Variants in CHRNB4 observed in about 807,000 individuals in gnomAD.
CHRNB4 encodes neuronal acetylcholine receptor subunit beta-4.
A neutral mutation model predicts 40.4 loss-of-function variants in CHRNB4; 23 were observed. The observed-to-expected ratio is 0.57, with a 90% CI of 0.41 to 0.81. The LOEUF (loss-of-function observed/expected upper bound fraction) is 0.81, where lower values mean the gene tolerates loss of function less well. CHRNB4 is among the 30% of genes least tolerant of loss of function. The probability of loss-of-function intolerance (pLI) is 0.00; values close to 1 mark genes in which losing one functional copy is unlikely to be tolerated. For synonymous variants in CHRNB4, 285 were observed against 274.4 expected (o/e 1.04, Z -0.38); for missense variants, 568 against 670.6 (o/e 0.85, Z 1.69).
In CHRNB4 at chr15:78,625,303, CAG is replaced by C; in HGVS notation, c.1339-14_1339-13del. 6.5e-7 allele frequency: 1 copy of C among 1,527,950 alleles called. No homozygotes were observed. The highest frequency in any genetic ancestry group is 8.8e-7 in the Non-Finnish European group (1 of 1,139,870). 94.6% of individuals were successfully genotyped at this position (1,527,950 alleles called of 1,614,324 possible). A position where few individuals can be genotyped will look rare whatever the true frequency, so the allele number is the denominator to read the frequency against. On this transcript the variant is annotated splice_polypyrimidine_tract_variant and intron_variant, in intron 5 of 5. Coordinates refer to ENST00000261751, the MANE Select transcript of CHRNB4 (RefSeq NM_000750.5). ...CAGTCCTCAACGACCTGCAGGCAGA[CAG>C]AGGAGTTGGTCACAGGTGCCAAGTA... is the stretch of plus-strand genomic sequence containing the variant.
At chr15:78,650,492 T>C (rs2054163368) in intron 6 of CHRNB4, among the ~76,000 whole-genome samples, 1 of 152,148 alleles carries the variant, frequency 6.6e-6, no homozygotes, top group African/African-American at 2.4e-5. Context: ...CAAGCAGAAG[T>C]TGGTCTTCAC....
At chr15:78,631,397 T>C in intron 2 of CHRNB4, 65 bp from the exon 3 acceptor site, 2 of 1,544,636 alleles carry the variant, frequency 1.3e-6, no homozygotes, top group Non-Finnish European at 1.8e-6. Context: ...GATTGCACTT[T>C]ATTGTGCAAA....
At chr15:78,660,466 A>G (rs2054242946) in intron 1 of CHRNB4, 1 of 152,260 alleles carries the variant, frequency 6.6e-6, no homozygotes, top group Non-Finnish European at 1.5e-5. Flanking sequence ...TTTCTAGTAA[A>G]AACCTACTAT....
intron 4 of CHRNB4, among the ~76,000 whole-genome samples, chr15:78,630,373 G>A (rs2053777854): frequency 6.6e-6 from 1 of 151,872 alleles, no homozygotes; most frequent in African/African-American, 2.4e-5. Flanking sequence ...CCTGATCTCA[G>A]GTGATCCACC....
At chr15:78,636,389 T>C (rs374054362) in intron 1 of CHRNB4, among the ~76,000 whole-genome samples, 9 of 152,054 alleles carry the variant, frequency 5.9e-5, no homozygotes, top group African/African-American at 2.2e-4. Context: ...TCTAGGGCCC[T>C]TCCCTACCCA....
In CHRNB4 at chr15:78,631,191, CAG is replaced by C. The variant is rs1290106973; in HGVS notation, c.250-8_250-7del. 1 of 1,613,972 alleles carries C rather than the reference CAG, an allele frequency of 6.2e-7. No individual in the cohort carries two copies. The highest frequency in any genetic ancestry group is 2.2e-5 in the East Asian group (1 of 44,878). ...AGGCGGTAATCAGTCCATTCCTGGACAGACAGGCAAGGCCCTGTCACTTGCAG... is the reference window on the plus strand; with the variant it reads ...AGGCGGTAATCAGTCCATTCCTGGACACAGGCAAGGCCCTGTCACTTGCAG... On this transcript the variant is annotated splice_polypyrimidine_tract_variant and splice_region_variant and intron_variant, in intron 3 of 5. Coordinates refer to ENST00000261751, the MANE Select transcript of CHRNB4 (RefSeq NM_000750.5).
upstream of CHRNB4, among the ~76,000 whole-genome samples, chr15:78,641,986 C>G (rs895000477): frequency 6.6e-6 from 1 of 152,250 alleles, no homozygotes; most frequent in Admixed American, 6.5e-5. Context: ...CTGGCAGCTT[C>G]TCCAACTCTC....
upstream of CHRNB4, among the ~76,000 whole-genome samples, chr15:78,642,107 C>T (rs1020393347): frequency 6.6e-6 from 1 of 152,228 alleles, no homozygotes; most frequent in Non-Finnish European, 1.5e-5. Flanking sequence ...TGTAAAAAGG[C>T]AGCTTTGCCA....
rs369021645 is a variant in CHRNB4 at position 78,653,284 on chromosome 15, C to T, written c.-109-613G>A. On this transcript the variant is annotated intron_variant and NMD_transcript_variant, in intron 5 of 11. Transcript: ENST00000559849. ...GACATTAAGCTGTTTCAAATTCTGG[C>T]TTTAAGTCTAAAGGGTTCACTCTAC... Among the ~76,000 whole-genome samples, 7 of 152,336 alleles carry T rather than the reference C, an allele frequency of 4.6e-5. No homozygotes were observed. In the South Asian group the frequency reaches 8.3e-4, roughly 18 times the overall value.
chr15:78,636,020 G>A (rs781686729), intron 1 of CHRNB4, among the ~76,000 whole-genome samples: 1 of 152,050 alleles, frequency 6.6e-6, no homozygotes, highest in African/African-American at 2.4e-5. Flanking sequence ...CAATTCTCCT[G>A]TCTCAGCCTC....
At chr15:78,627,576 G>A (rs972282768) in intron 5 of CHRNB4, 1 of 152,154 alleles carries the variant, frequency 6.6e-6, no homozygotes, top group African/African-American at 2.4e-5. Context: ...GTAAGAATGA[G>A]ACGTCCACTT....
chr15:78,630,076 T>C lies in CHRNB4; in HGVS notation c.360-131A>G. 5.9e-6 allele frequency: 6 copies of C among 1,024,912 alleles called. No individual in the cohort carries two copies. The South Asian group carries it at 1.5e-4, about 26-fold the overall frequency. 63.5% of individuals were successfully genotyped at this position (1,024,912 alleles called of 1,614,324 possible). On this transcript the variant is annotated intron_variant, in intron 4 of 5. Coordinates refer to ENST00000261751, the MANE Select transcript of CHRNB4 (RefSeq NM_000750.5). ...CCCTTCCAATCCCCCAGGCCCTCAC[T>C]GAAAGGAGGGGTCTGCTTTTGTTAG...
At chr15:78,661,581 C>G (rs564093020), upstream of CHRNB4, 11 of 523,620 alleles carry the variant, frequency 2.1e-5, no homozygotes, top group East Asian at 5.5e-4. Flanking sequence ...GTTTTTTGGT[C>G]CTTGTTGGGG....
chr15:78,633,148 A>T lies in CHRNB4; in HGVS notation c.205-1816T>A, dbSNP rs543453760. Among the ~76,000 whole-genome samples, 552 of 152,214 alleles carry T rather than the reference A, an allele frequency of 3.6e-3. 5 individuals are homozygous for T. The highest frequency in any genetic ancestry group is 0.013 in the African/African-American group (530 of 41,522). ...AAGTCTTGTGTTCTCAGTCTGTACA[A>T]TTTTGGTGCCTCTCCTTTATCAAGA... is the stretch of plus-strand genomic sequence containing the variant. On this transcript the variant is annotated intron_variant, in intron 2 of 5. Transcript: ENST00000261751.
chr15:78,638,877 C>T (rs887670250), intron 1 of CHRNB4, among the ~76,000 whole-genome samples: 10 of 152,308 alleles, frequency 6.6e-5, no homozygotes, highest in African/African-American at 2.4e-4. Flanking sequence ...GGGTCACATC[C>T]CAGCCCATGG....
chr15:78,625,244 GA>G lies in CHRNB4; in HGVS notation c.1385del (p.Phe462SerfsTer97). 6.4e-7 allele frequency: 1 copy of G among 1,571,750 alleles called. No individual in the cohort carries two copies. The highest frequency in any genetic ancestry group is 8.6e-7 in the Non-Finnish European group (1 of 1,159,932). ...CGCACACAAACATGAACACCCACAG[GA>G]ACAGCCGGTCCACCACCATAGCCAC... ...KYVAMVVDRL[F>X]LWVFMFVCVL... On this transcript the variant is annotated frameshift_variant, in exon 6 of 6. Coordinates refer to ENST00000261751, the MANE Select transcript of CHRNB4 (RefSeq NM_000750.5). LOFTEE classifies it high-confidence loss of function.
At chr15:78,658,935 C>T (rs966986690) in intron 1 of CHRNB4, among the ~76,000 whole-genome samples, 1 of 152,188 alleles carries the variant, frequency 6.6e-6, no homozygotes, top group African/African-American at 2.4e-5. Context: ...AGCTGCTGCA[C>T]ACAGTTCAGC....
intron 1 of CHRNB4, among the ~76,000 whole-genome samples, chr15:78,639,043 G>T (rs906986888): frequency 3.9e-5 from 6 of 152,212 alleles, no homozygotes; most frequent in African/African-American, 1.4e-4. Context: ...TAATCTGAGA[G>T]GAAGCCATAG....
intron 4 of CHRNB4, among the ~76,000 whole-genome samples, 174 bp from the exon 5 acceptor site, chr15:78,630,119 G>C (rs553618591): frequency 6.7e-6 from 1 of 150,240 alleles, no homozygotes; most frequent in Non-Finnish European, 1.5e-5. Flanking sequence ...GTGGTGGAGA[G>C]AGCCCTAACA....
Sources: gnomAD v4.1 joint callset for allele counts (sites outside exome capture counted in the v4.1 genomes callset) on GRCh38, gnomAD v4.1.1 for gene constraint, MANE v1.5 for transcripts, NCBI Gene and HGNC (gene_info 2026-07-23, HGNC 2026-07-21) for gene names.